LARP1B: variants seen among roughly 807,000 people sequenced by gnomAD.
LARP1B encodes the protein La ribonucleoprotein 1B, also known as la-related protein 1B.
A neutral mutation model predicts 114.2 loss-of-function variants in LARP1B; 76 were observed. That is an observed-to-expected ratio of 0.67 (90% CI 0.55 to 0.81). The LOEUF (loss-of-function observed/expected upper bound fraction) is 0.81, where lower values mean the gene tolerates loss of function less well. Ranked by LOEUF, LARP1B falls within the 30% of genes least tolerant of loss-of-function variation. The probability of loss-of-function intolerance (pLI) is 0.00; values close to 1 mark genes in which losing one functional copy is unlikely to be tolerated. For synonymous variants in LARP1B, 345 were observed against 348.0 expected, an observed-to-expected ratio of 0.99 and a Z score of 0.10; for missense variants, 1,014 against 1,075.8, an observed-to-expected ratio of 0.94 and a Z score of 0.80.
rs1351661449 is a variant in LARP1B, at chr4:128,084,296, G to C, written c.358+1991G>C. Among the ~76,000 whole-genome samples the C allele has an allele frequency of 1.1e-4, 16 of 152,290 alleles. No individual in the cohort carries two copies. In the South Asian group the frequency reaches 3.1e-3, roughly 30 times the overall value. ...GCGGCTGGGAGATGGAGGTTGTAGC[G>C]AGCTGAGATCACGCCACTGCACTCC... is the stretch of plus-strand genomic sequence containing the variant. On this transcript the variant is annotated intron_variant, in intron 5 of 19. Transcript: ENST00000326639.
chr4:128,192,865 A>G (rs969586640), intron 15 of LARP1B, among the ~76,000 whole-genome samples: 1 of 151,580 alleles, frequency 6.6e-6, no homozygotes, highest in African/African-American at 2.4e-5. Flanking sequence ...CAGAGTCTCG[A>G]TCTTTCACCC....
intron 9 of LARP1B, 129 bp from the exon 10 acceptor site, chr4:128,114,441 G>A: frequency 3.0e-6 from 2 of 674,562 alleles, no homozygotes; most frequent in Non-Finnish European, 5.0e-6. Context: ...TCACTGGAAA[G>A]CTTACAGTTG....
chr4:128,174,605 G>C (rs951936254), intron 12 of LARP1B, among the ~76,000 whole-genome samples: 1 of 152,002 alleles, frequency 6.6e-6, no homozygotes, highest in African/African-American at 2.4e-5. Context: ...TGTTGGAAAT[G>C]TTCAGATACA....
At chr4:128,073,918 G>A (rs973269042) in intron 1 of LARP1B, among the ~76,000 whole-genome samples, 1 of 150,532 alleles carries the variant, frequency 6.6e-6, no homozygotes, top group Non-Finnish European at 1.5e-5. Context: ...GGATTGTTCT[G>A]TCAGTTCAGT....
chr4:128,122,233 A>G (rs1788177556), intron 11 of LARP1B, 45 bp downstream of exon 11: 1 of 1,599,514 alleles, frequency 6.3e-7, no homozygotes, highest in African/African-American at 1.3e-5. Flanking sequence ...CTTTGTTTTG[A>G]TTGTATGTTG....
intron 9 of LARP1B, chr4:128,108,321 G>A: frequency 2.0e-6 from 2 of 1,009,932 alleles, no homozygotes; most frequent in African/African-American, 3.4e-5. Flanking sequence ...AGATTCTTAA[G>A]TACTTTGCTA....
intron 19 of LARP1B, among the ~76,000 whole-genome samples, chr4:128,208,343 A>G (rs905260831): frequency 2.0e-5 from 3 of 151,456 alleles, no homozygotes; most frequent in African/African-American, 4.8e-5. Flanking sequence ...AAAAAAAAAA[A>G]GGGAAGAAGA....
intron 11 of LARP1B, among the ~76,000 whole-genome samples, chr4:128,133,311 T>G (rs1792150420): frequency 6.6e-6 from 1 of 152,222 alleles, no homozygotes; most frequent in Non-Finnish European, 1.5e-5. Context: ...AATTGTATAC[T>G]TCAGTGAATT....
chr4:128,199,476 G>A lies in LARP1B; in HGVS notation c.2041G>A (p.Ala681Thr). 6.3e-7 allele frequency: 1 copy of A among 1,581,374 alleles called. No homozygotes were observed. Among genetic ancestry groups the A allele is most frequent in the Non-Finnish European group, 8.6e-7 (1 of 1,162,566 alleles). ...NASPSEGAPL[A>T]GSYGCTPHSF... ...TTCACCTTCAGAAGGCGCACCACTAGCAGGAAGTTATGGATGTACTCCTCA... is the reference window on the plus strand; with the variant it reads ...TTCACCTTCAGAAGGCGCACCACTAACAGGAAGTTATGGATGTACTCCTCA... The change falls in exon 16 of 20, where the codon GCA (alanine) becomes ACA (threonine). Residue 681 changes from alanine (A) to threonine (T), a missense_variant. Ala to Thr is a moderately conservative substitution (Grantham distance 58). Coordinates refer to ENST00000326639, the MANE Select transcript of LARP1B (RefSeq NM_018078.4).
chr4:128,105,694 A>C (rs1167512589), intron 8 of LARP1B, among the ~76,000 whole-genome samples: 4 of 152,150 alleles, frequency 2.6e-5, no homozygotes, highest in Admixed American at 2.6e-4. Flanking sequence ...GTTCAAGACC[A>C]GCCTGGCCAA....
intron 7 of LARP1B, chr4:128,093,152 G>C: frequency 2.7e-6 from 1 of 372,524 alleles, no homozygotes; most frequent in African/African-American, 2.2e-5. Flanking sequence ...AGAGCACTAG[G>C]TTTAGTGTGG....
In LARP1B at chr4:128,127,820, G is replaced by C. The variant is rs1438911007; in HGVS notation, c.1524+5632G>C. Among the ~76,000 whole-genome samples, 4 of 152,252 alleles carry C rather than the reference G, an allele frequency of 2.6e-5. No homozygotes were observed. In the South Asian group the frequency reaches 6.2e-4, roughly 24 times the overall value. ...TTGCAATCCATCCTGGGCAACAAGC[G>C]TGAAAACTCGCAAAACAAACAAAAA... On this transcript the variant is annotated intron_variant, in intron 11 of 19. Coordinates refer to ENST00000326639, the MANE Select transcript of LARP1B (RefSeq NM_018078.4).
At chr4:128,091,838 C>G (rs1349946920) in intron 7 of LARP1B, among the ~76,000 whole-genome samples, 1 of 152,194 alleles carries the variant, frequency 6.6e-6, no homozygotes, top group Non-Finnish European at 1.5e-5. Context: ...CTCAGCTGAT[C>G]TGCCCACCTT....
chr4:128,095,992 ATTTT>A, intron 7 of LARP1B, among the ~76,000 whole-genome samples: 1 of 125,368 alleles, frequency 8.0e-6, no homozygotes, highest in Admixed American at 8.7e-5. Context: ...GGAGGCTATA[ATTTT>A]TTTTTTTTTT....
chr4:128,119,073 T>TG (rs1172931688), intron 10 of LARP1B, among the ~76,000 whole-genome samples: 9 of 151,910 alleles, frequency 5.9e-5, no homozygotes, highest in African/African-American at 2.2e-4. Context: ...TTAATAGAGA[T>TG]GGGGTTTCAC....
chr4:128,185,252 T>G (rs1338101051), intron 15 of LARP1B, among the ~76,000 whole-genome samples: 4 of 152,134 alleles, frequency 2.6e-5, no homozygotes, highest in Non-Finnish European at 5.9e-5. Context: ...GAACTTCTAT[T>G]CTGTTTTCTG....
At chr4:128,166,930 TTCTCTCTCTCTCTCTC>T (rs56916317) in intron 12 of LARP1B, among the ~76,000 whole-genome samples, 89 of 103,080 alleles carry the variant, frequency 8.6e-4, no homozygotes, top group East Asian at 2.9e-3. Context: ...TTATATTCTA[TTCTCTCTCTCTCTCTC>T]TCTCTCTCTC....
intron 8 of LARP1B, among the ~76,000 whole-genome samples, chr4:128,103,720 G>A (rs761574556): frequency 6.6e-6 from 1 of 151,804 alleles, no homozygotes; most frequent in South Asian, 2.1e-4. Context: ...CTGCCACCAC[G>A]CCTGGCTAAT....
rs548000922 is a variant in LARP1B, at chr4:128,121,356, C to T, written c.1162-470C>T. Among the ~76,000 whole-genome samples the T allele has an allele frequency of 1.8e-4, 28 of 152,326 alleles. No individual in the cohort carries two copies. In the South Asian group the frequency reaches 4.6e-3, roughly 25 times the overall value. Reference sequence around the variant, plus strand: ...TTTTGAGACAGAGTTTCGCTCTTGTCGCCCAGGCTCTAGCGCAATGGCGCG... The same window carrying T: ...TTTTGAGACAGAGTTTCGCTCTTGTTGCCCAGGCTCTAGCGCAATGGCGCG... On this transcript the variant is annotated intron_variant, in intron 10 of 19. Transcript: ENST00000326639.
Sources: allele counts gnomAD v4.1 joint callset (sites outside exome capture counted in the v4.1 genomes callset), GRCh38; gene constraint gnomAD v4.1.1; transcripts MANE v1.5; gene names NCBI Gene and HGNC (gene_info 2026-07-23, HGNC 2026-07-21).